The following NEK10 variants were observed in gnomAD, a reference collection of about 807,000 sequenced individuals.
NEK10 encodes the protein serine/threonine-protein kinase Nek10.
NEK10 carries 122 observed loss-of-function variants against 159.8 expected under a neutral mutation model. That is an observed-to-expected ratio of 0.76 (90% CI 0.66 to 0.89). NEK10 has a LOEUF of 0.89. NEK10 is among the 40% of genes least tolerant of loss of function. The pLI is 0.00. For missense variants in NEK10, 1,342 were observed against 1,323.1 expected (o/e 1.01, Z -0.22); for synonymous variants, 466 against 457.1 (o/e 1.02, Z -0.25).
intron 31 of NEK10, 85 bp from the exon 32 acceptor site, chr3:27,132,075 G>C (rs1055043961): frequency 2.9e-6 from 2 of 681,540 alleles, no homozygotes; most frequent in Non-Finnish European, 5.1e-6. Context: ...GAGGGCCCAT[G>C]TAACAATATT....
chr3:27,186,088 C>T (rs11717314), intron 26 of NEK10, among the ~76,000 whole-genome samples: 34,843 of 152,078 alleles, frequency 0.23, 4,307 homozygotes, highest in Middle Eastern at 0.37. Flanking sequence ...GTGGACTTGC[C>T]GAGCATAAGT....
At position 27,317,056 on chromosome 3, in the gene NEK10, A is replaced by T. The variant is rs184642193; in HGVS notation, c.448-2718T>A. Among the ~76,000 whole-genome samples the T allele has an allele frequency of 1.3e-3, 198 of 152,314 alleles. No homozygotes were observed. In the Middle Eastern group the frequency reaches 0.017, roughly 13 times the overall value. ...GCTGCTATAGAGTAGAAGAATGAGA[A>T]AGACGCTTACTCCCTCTTAGAGAAT... On this transcript the variant is annotated intron_variant, in intron 6 of 35. Coordinates refer to ENST00000691995, the MANE Select transcript of NEK10 (RefSeq NM_001394966.1).
At chr3:27,245,183 T>C (rs1448009191) in intron 23 of NEK10, among the ~76,000 whole-genome samples, 2 of 152,222 alleles carry the variant, frequency 1.3e-5, no homozygotes, top group African/African-American at 4.8e-5. Flanking sequence ...TGCCAACCGT[T>C]AGTGTTTAAA....
intron 26 of NEK10, among the ~76,000 whole-genome samples, chr3:27,179,703 C>T (rs1255896511): frequency 1.3e-5 from 2 of 152,138 alleles, no homozygotes; most frequent in African/African-American, 4.8e-5. Context: ...GACTAACATG[C>T]CAATAGAACT....
At chr3:27,186,823 A>G (rs1456649758) in intron 26 of NEK10, among the ~76,000 whole-genome samples, 1 of 152,204 alleles carries the variant, frequency 6.6e-6, no homozygotes, top group East Asian at 1.9e-4. Flanking sequence ...GATGGGGCTG[A>G]GATAGGGTCC....
intron 1 of NEK10, among the ~76,000 whole-genome samples, chr3:27,360,926 T>C (rs546590774): frequency 7.7e-4 from 118 of 152,354 alleles, no homozygotes; most frequent in African/African-American, 2.3e-3. Flanking sequence ...CTATTTTATA[T>C]GTAAACAAGC....
chr3:27,157,760 T>C (rs1366434500), intron 30 of NEK10, among the ~76,000 whole-genome samples: 1 of 152,168 alleles, frequency 6.6e-6, no homozygotes, highest in East Asian at 1.9e-4. Context: ...AGAGAAACTT[T>C]TGTGAAAGAC....
At chr3:27,313,464 T>G (rs2044874875) in intron 7 of NEK10, among the ~76,000 whole-genome samples, 2 of 152,120 alleles carry the variant, frequency 1.3e-5, no homozygotes. Context: ...GTAATCATTT[T>G]CTTGTTTGAA....
At chr3:27,203,097 G>A (rs1028528498) in intron 23 of NEK10, among the ~76,000 whole-genome samples, 3 of 152,114 alleles carry the variant, frequency 2.0e-5, no homozygotes, top group African/African-American at 4.8e-5. Context: ...ATGTGTAACA[G>A]GTAGCTTCCA....
At chr3:27,190,172 C>T (rs1346031757) in intron 26 of NEK10, among the ~76,000 whole-genome samples, 1 of 152,154 alleles carries the variant, frequency 6.6e-6, no homozygotes, top group Non-Finnish European at 1.5e-5. Flanking sequence ...ATATCCTCTA[C>T]CCCTTAATTT....
At chr3:27,306,146 C>T (rs546522081) in intron 11 of NEK10, among the ~76,000 whole-genome samples, 2 of 152,274 alleles carry the variant, frequency 1.3e-5, no homozygotes, top group African/African-American at 4.8e-5. Flanking sequence ...CATCAAGACA[C>T]ATACTCCTCT....
At chr3:27,218,640 A>T (rs1302330556) in intron 23 of NEK10, among the ~76,000 whole-genome samples, 1 of 150,772 alleles carries the variant, frequency 6.6e-6, no homozygotes, top group Non-Finnish European at 1.5e-5. Context: ...ACTACTGTGT[A>T]TACCATGACC....
chr3:27,138,630 C>A (rs981007000), intron 31 of NEK10, among the ~76,000 whole-genome samples: 13 of 152,168 alleles, frequency 8.5e-5, no homozygotes, highest in South Asian at 4.1e-4. Flanking sequence ...TCTGACTAGA[C>A]CCTCACTGAT....
Position 27,352,885 on chromosome 3 carries a change from T to G in NEK10, c.-3A>C, listed in dbSNP as rs1454442731. 1 of 1,595,488 alleles carries G rather than the reference T, an allele frequency of 6.3e-7. No individual in the cohort carries two copies. Among genetic ancestry groups the G allele is most frequent in the South Asian group, 1.1e-5 (1 of 90,422 alleles). On this transcript the variant is annotated 5_prime_UTR_variant, in exon 2 of 36. Transcript: ENST00000691995. ...ACCTTTTTATCTTGATCAGGCATTG[T>G]AAAACATCAATGCCCCAGAATTAAC...
At chr3:27,314,690 A>G (rs2045013006) in intron 6 of NEK10, among the ~76,000 whole-genome samples, 1 of 152,194 alleles carries the variant, frequency 6.6e-6, no homozygotes, top group Admixed American at 6.5e-5. Flanking sequence ...AGGAAAACCA[A>G]GACACAGAAA....
intron 23 of NEK10, among the ~76,000 whole-genome samples, chr3:27,210,359 C>A (rs1950899576): frequency 6.6e-6 from 1 of 152,060 alleles, no homozygotes; most frequent in Non-Finnish European, 1.5e-5. Context: ...CTCATGAATT[C>A]CTTAATCCAT....
At chr3:27,313,000 G>A (rs1434190727) in intron 7 of NEK10, among the ~76,000 whole-genome samples, 1 of 151,674 alleles carries the variant, frequency 6.6e-6, no homozygotes, top group East Asian at 1.9e-4. Context: ...CATTATACAG[G>A]TTTTAGGAGA....
rs984074996 is a variant in NEK10, at chr3:27,186,443, G to A, written c.2505+5586C>T. ...CTTCTGGAGCTCAAAATAAGAGCCT[G>A]CCAGAAGGAAGAGAAAATGAAAGAG... On this transcript the variant is annotated intron_variant, in intron 26 of 35. Coordinates refer to ENST00000691995, the MANE Select transcript of NEK10 (RefSeq NM_001394966.1). Among the ~76,000 whole-genome samples, 3 of 152,288 alleles carry A rather than the reference G, an allele frequency of 2.0e-5. No individual in the cohort carries two copies. The South Asian group carries it at 6.2e-4, about 32-fold the overall frequency.
chr3:27,335,149 GC>G (rs2046704213), intron 5 of NEK10, among the ~76,000 whole-genome samples: 2 of 152,146 alleles, frequency 1.3e-5, no homozygotes, highest in Middle Eastern at 6.8e-3. Flanking sequence ...GACCAGCCTG[GC>G]CAACATGGTG....
Sources: allele counts gnomAD v4.1 joint callset (sites outside exome capture counted in the v4.1 genomes callset), GRCh38; gene constraint gnomAD v4.1.1; transcripts MANE v1.5; gene names NCBI Gene and HGNC (gene_info 2026-07-23, HGNC 2026-07-21).